Variants in TNR observed in about 807,000 individuals in gnomAD.
TNR encodes the protein tenascin-R.
A neutral mutation model predicts 150.4 loss-of-function variants in TNR; 45 were observed. The ratio of observed to expected loss-of-function variants is 0.30; its 90% CI spans 0.24 to 0.38. The LOEUF (loss-of-function observed/expected upper bound fraction) is 0.38, where lower values mean the gene tolerates loss of function less well. TNR is among the 10% of genes least tolerant of loss of function. The pLI is 1.00. For synonymous variants in TNR, 687 were observed against 678.4 expected, an observed-to-expected ratio of 1.01 and a Z score of -0.20; for missense variants, 1,544 against 1,759.1, an observed-to-expected ratio of 0.88 and a Z score of 2.19.
At position 175,739,686 on chromosome 1, in the gene TNR, G is replaced by A. The variant is rs532943441; in HGVS notation, c.-165+3540C>T. 4.6e-5 allele frequency among the ~76,000 whole-genome samples: 7 copies of A among 152,324 alleles called. No individual in the cohort carries two copies. In the South Asian group the frequency reaches 1.4e-3, roughly 32 times the overall value. On this transcript the variant is annotated intron_variant, in intron 1 of 22. Coordinates refer to ENST00000367674, the MANE Select transcript of TNR (RefSeq NM_003285.3). ...TATGTTGGTACATGGGTCTCTGTAA[G>A]TGGCTTCTGGTTCTAAATTTACTCT...
intron 1 of TNR, among the ~76,000 whole-genome samples, chr1:175,626,210 G>A (rs1018257159): frequency 1.1e-4 from 17 of 152,258 alleles, no homozygotes; most frequent in South Asian, 2.1e-4. Context: ...GCCCGGTCTC[G>A]GGTATGTCTT....
intron 1 of TNR, among the ~76,000 whole-genome samples, chr1:175,625,443 G>A (rs923436074): frequency 1.3e-5 from 2 of 152,242 alleles, no homozygotes; most frequent in African/African-American, 4.8e-5. Flanking sequence ...CAGCATCTGG[G>A]GAAATGTGCT....
chr1:175,376,860 T>TTATATATATATATA (rs371694471), intron 9 of TNR, among the ~76,000 whole-genome samples: 2 of 113,704 alleles, frequency 1.8e-5, no homozygotes, highest in African/African-American at 6.2e-5. Flanking sequence ...AAATGTAATA[T>TTATATATATATATA]TATATATATA....
At chr1:175,555,624 C>A (rs1173151439) in intron 1 of TNR, among the ~76,000 whole-genome samples, 1 of 152,014 alleles carries the variant, frequency 6.6e-6, no homozygotes, top group African/African-American at 2.4e-5. Flanking sequence ...ACACCATGAG[C>A]TAGTCATCTG....
intron 18 of TNR, among the ~76,000 whole-genome samples, chr1:175,345,371 T>G (rs1441114398): frequency 2.0e-5 from 3 of 152,186 alleles, no homozygotes; most frequent in African/African-American, 7.2e-5. Flanking sequence ...AGAGTAAGAC[T>G]ACTGTGAAAG....
intron 1 of TNR, among the ~76,000 whole-genome samples, chr1:175,630,544 G>A (rs917107459): frequency 7.2e-4 from 109 of 152,130 alleles, no homozygotes; most frequent in Non-Finnish European, 8.8e-5. Context: ...GACTCCACTC[G>A]TTCTCTCTCT....
chr1:175,660,614 C>T (rs1355430355), intron 1 of TNR, among the ~76,000 whole-genome samples: 3 of 152,194 alleles, frequency 2.0e-5, no homozygotes, highest in Non-Finnish European at 4.4e-5. Flanking sequence ...AAGTTTCCGT[C>T]ATTCAATATT....
intron 1 of TNR, among the ~76,000 whole-genome samples, chr1:175,565,975 G>C (rs542574045): frequency 1.3e-5 from 2 of 152,144 alleles, no homozygotes; most frequent in African/African-American, 4.8e-5. Context: ...TGGACAACAG[G>C]TAGAATCTTG....
rs113946328 is a variant in TNR at position 175,357,820 on chromosome 1, T to C, written c.2975-1358A>G. ...TCTCTGCAACATCATTAGAAGTGAG[T>C]TCCATAAAGATGAGAGCTCAATTTT... On this transcript the variant is annotated intron_variant, in intron 15 of 22. Transcript: ENST00000367674. 4.5e-3 allele frequency among the ~76,000 whole-genome samples: 680 copies of C among 152,334 alleles called. 9 individuals are homozygous for C. Among genetic ancestry groups the C allele is most frequent in the African/African-American group, 0.016 (653 of 41,576 alleles).
At chr1:175,623,914 A>G (rs1664061761) in intron 1 of TNR, among the ~76,000 whole-genome samples, 1 of 152,258 alleles carries the variant, frequency 6.6e-6, no homozygotes, top group Non-Finnish European at 1.5e-5. Flanking sequence ...ACACAAGTCA[A>G]GGGGCTGTTT....
intron 1 of TNR, among the ~76,000 whole-genome samples, chr1:175,675,978 A>C (rs1303274135): frequency 2.0e-5 from 3 of 152,142 alleles, no homozygotes; most frequent in African/African-American, 7.2e-5. Context: ...GTTACCTTTC[A>C]AAGGGAGTGG....
intron 1 of TNR, among the ~76,000 whole-genome samples, chr1:175,672,168 T>A (rs1665722422): frequency 6.6e-6 from 1 of 152,194 alleles, no homozygotes; most frequent in Non-Finnish European, 1.5e-5. Flanking sequence ...AAAACCTTCT[T>A]GCAGAAGTAT....
At chr1:175,482,201 G>C (rs1334826372) in intron 2 of TNR, among the ~76,000 whole-genome samples, 1 of 152,206 alleles carries the variant, frequency 6.6e-6, no homozygotes. Flanking sequence ...AAGTCCACTA[G>C]GCTGCACTGT....
intron 2 of TNR, among the ~76,000 whole-genome samples, chr1:175,464,953 G>C (rs1656967500): frequency 6.6e-6 from 1 of 152,116 alleles, no homozygotes; most frequent in South Asian, 2.1e-4. Flanking sequence ...AGCTTTCACA[G>C]GCACTCATCC....
chr1:175,532,691 C>T (rs963357957), intron 1 of TNR, among the ~76,000 whole-genome samples: 4 of 152,102 alleles, frequency 2.6e-5, no homozygotes, highest in Admixed American at 1.3e-4. Flanking sequence ...GGGTCTCTCA[C>T]GAGGTTTCAG....
chr1:175,426,792 G>A (rs1557926853), intron 2 of TNR, among the ~76,000 whole-genome samples: 1 of 135,676 alleles, frequency 7.4e-6, no homozygotes, highest in African/African-American at 2.7e-5. Flanking sequence ...AGGTGTGTGT[G>A]TATATATATA....
chr1:175,618,589 ACCCTG>A (rs917745331), intron 1 of TNR, among the ~76,000 whole-genome samples: 1 of 152,078 alleles, frequency 6.6e-6, no homozygotes, highest in Non-Finnish European at 1.5e-5. Context: ...CCCTCTGCCC[ACCCTG>A]CTGGTAGACA....
chr1:175,713,341 G>C (rs1011416264), intron 1 of TNR, among the ~76,000 whole-genome samples: 12 of 152,062 alleles, frequency 7.9e-5, no homozygotes, highest in Non-Finnish European at 1.5e-4. Context: ...CAACACTCTT[G>C]CCCCTATCCT....
intron 2 of TNR, among the ~76,000 whole-genome samples, chr1:175,514,084 T>A (rs1364563361): frequency 4.6e-5 from 7 of 152,188 alleles, no homozygotes; most frequent in African/African-American, 1.4e-4. Flanking sequence ...GTCTCTGGAA[T>A]CTGTGAATAT....
Sources: gnomAD v4.1 joint callset for allele counts (sites outside exome capture counted in the v4.1 genomes callset) on GRCh38, gnomAD v4.1.1 for gene constraint, MANE v1.5 for transcripts, NCBI Gene and HGNC (gene_info 2026-07-23, HGNC 2026-07-21) for gene names.